The following KCNIP4 variants were observed in gnomAD, a reference collection of about 807,000 sequenced individuals.
KCNIP4 encodes potassium voltage-gated channel interacting protein 4.
A neutral mutation model predicts 34.0 loss-of-function variants in KCNIP4; 12 were observed. The observed-to-expected ratio is 0.35, with a 90% CI of 0.23 to 0.57. The LOEUF (loss-of-function observed/expected upper bound fraction) is 0.57, where lower values mean the gene tolerates loss of function less well. KCNIP4 is among the 20% of genes least tolerant of loss of function. KCNIP4 has a pLI of 0.83. For synonymous variants in KCNIP4, 124 were observed against 102.2 expected (o/e 1.21, Z -1.29); for missense variants, 238 against 311.7 (o/e 0.76, Z 1.78).
At chr4:21,948,464 G>C (rs1730625976) in intron 1 of KCNIP4, 107 bp downstream of exon 1, 1 of 1,242,964 alleles carries the variant, frequency 8.0e-7, no homozygotes, top group Non-Finnish European at 1.1e-6. Context: ...CTCATGCAGC[G>C]AAGGCAACAA....
chr4:20,755,923 G>C (rs1220804787), intron 4 of KCNIP4, among the ~76,000 whole-genome samples: 1 of 152,112 alleles, frequency 6.6e-6, no homozygotes, highest in East Asian at 1.9e-4. Context: ...GGATAAGGCA[G>C]AGAAGGGACA....
chr4:21,596,625 T>C (rs994288668), intron 1 of KCNIP4, among the ~76,000 whole-genome samples: 5 of 152,146 alleles, frequency 3.3e-5, no homozygotes, highest in Non-Finnish European at 7.4e-5. Flanking sequence ...TGCCTCCACC[T>C]GGCTTTGAGC....
At chr4:21,631,432 T>C (rs1577722118) in intron 1 of KCNIP4, among the ~76,000 whole-genome samples, 1 of 152,180 alleles carries the variant, frequency 6.6e-6, no homozygotes, top group Admixed American at 6.5e-5. Flanking sequence ...GCAAATAAAT[T>C]ATTTTCTTCT....
chr4:21,396,557 A>AAAAAAAATAAAAT lies in KCNIP4; in HGVS notation c.62-513849_62-513848insATTTTATTTTTTT, dbSNP rs1553875538. On this transcript the variant is annotated intron_variant, in intron 1 of 8. Transcript: ENST00000382152. ...GTGACAGAGCAAGACTCCAAAAAAAAAAAAAAAAAAAGAGGATTCTGATAT... is the reference window on the plus strand; with the variant it reads ...GTGACAGAGCAAGACTCCAAAAAAAAAAAAAAATAAAATAAAAAAAAAAAGAGGATTCTGATAT... Among the ~76,000 whole-genome samples the AAAAAAAATAAAAT allele has an allele frequency of 1.3e-3, 200 of 149,310 alleles. 5 individuals carry two copies. Among genetic ancestry groups the AAAAAAAATAAAAT allele is most frequent in the Middle Eastern group, 0.011 (3 of 278 alleles).
intron 1 of KCNIP4, among the ~76,000 whole-genome samples, chr4:21,332,886 T>A (rs1213190858): frequency 6.6e-6 from 1 of 152,082 alleles, no homozygotes; most frequent in African/African-American, 2.4e-5. Context: ...AAATTCTTTT[T>A]ATGGTTTATC....
intron 3 of KCNIP4, among the ~76,000 whole-genome samples, chr4:20,819,715 G>T (rs1716868529): frequency 6.6e-6 from 1 of 152,188 alleles, no homozygotes; most frequent in East Asian, 1.9e-4. Context: ...TCATTAATGG[G>T]ATTAGTGCTG....
intron 1 of KCNIP4, among the ~76,000 whole-genome samples, chr4:21,454,372 A>T: frequency 6.6e-6 from 1 of 152,070 alleles, no homozygotes; most frequent in East Asian, 1.9e-4. Context: ...TCACTCTCTA[A>T]GAGATTCTAA....
At position 20,867,983 on chromosome 4, in the gene KCNIP4, C is replaced by T. The variant is rs184032517; in HGVS notation, c.163+14625G>A. ...TGTATACATATGTAACAAACCTGCA[C>T]ATTGTGCACATGTACCCTAAAACTT... On this transcript the variant is annotated intron_variant, in intron 2 of 8. Coordinates refer to ENST00000382152, the MANE Select transcript of KCNIP4 (RefSeq NM_025221.6). Among the ~76,000 whole-genome samples, 332 of 151,200 alleles carry T rather than the reference C, an allele frequency of 2.2e-3. 9 individuals carry two copies. Among genetic ancestry groups the T allele is most frequent in the Middle Eastern group, 0.014 (4 of 294 alleles).
chr4:21,528,525 G>A lies in KCNIP4; in HGVS notation c.61+420046C>T, dbSNP rs546387759. Among the ~76,000 whole-genome samples the A allele has an allele frequency of 5.3e-5, 8 of 151,608 alleles. No homozygotes were observed. The South Asian group carries it at 1.7e-3, about 32-fold the overall frequency. ...CTACCAAAAATACAAAAATTAGCTG[G>A]GTGTGGTGGCGGGCGCCTATAGTCC... On this transcript the variant is annotated intron_variant, in intron 1 of 8. Transcript: ENST00000382152.
At chr4:21,767,237 A>G (rs148999087) in intron 1 of KCNIP4, among the ~76,000 whole-genome samples, 243 of 152,234 alleles carry the variant, frequency 1.6e-3, no homozygotes, top group African/African-American at 5.3e-3. Context: ...AGGAGGAGAC[A>G]GTCAGATCAC....
Position 20,784,223 on chromosome 4 carries a change from G to T in KCNIP4, c.289-25333C>A, listed in dbSNP as rs75298991. The stretch of plus-strand genomic sequence containing the variant: ...ATAATTAATCCCAGAACATTAGTTT[G>T]CTTGAATTGAAAAGGCACATCACGT... On this transcript the variant is annotated intron_variant, in intron 3 of 8. Transcript: ENST00000382152. Among the ~76,000 whole-genome samples, 1,462 of 152,184 alleles carry T rather than the reference G, an allele frequency of 9.6e-3. 27 individuals carry two copies. The highest frequency in any genetic ancestry group is 0.034 in the African/African-American group (1,394 of 41,520).
chr4:21,148,383 T>C (rs573629511), intron 1 of KCNIP4, among the ~76,000 whole-genome samples: 1 of 152,294 alleles, frequency 6.6e-6, no homozygotes, highest in South Asian at 2.1e-4. Context: ...GAATATGGAA[T>C]ACTGACACTA....
chr4:21,115,054 C>T (rs986445056), intron 1 of KCNIP4, among the ~76,000 whole-genome samples: 1 of 152,150 alleles, frequency 6.6e-6, no homozygotes, highest in Non-Finnish European at 1.5e-5. Context: ...ATGCTACCAC[C>T]CCATGTTCCT....
chr4:21,073,238 G>A (rs1235212027), intron 1 of KCNIP4, among the ~76,000 whole-genome samples: 1 of 152,152 alleles, frequency 6.6e-6, no homozygotes, highest in Non-Finnish European at 1.5e-5. Flanking sequence ...ACCTTGGGCA[G>A]TATGGCCATT....
At chr4:21,902,690 G>A (rs1727773947) in intron 1 of KCNIP4, among the ~76,000 whole-genome samples, 2 of 152,076 alleles carry the variant, frequency 1.3e-5, no homozygotes, top group South Asian at 4.1e-4. Context: ...CGGGAGAATG[G>A]TGTAAGAATG....
intron 1 of KCNIP4, among the ~76,000 whole-genome samples, chr4:21,058,423 T>C (rs1743614725): frequency 6.7e-6 from 1 of 148,198 alleles, no homozygotes; most frequent in Non-Finnish European, 1.5e-5. Flanking sequence ...TGAGAGCTCA[T>C]TGTCCAGACT....
chr4:21,501,736 TA>T (rs1679203514), intron 1 of KCNIP4, among the ~76,000 whole-genome samples: 1 of 82,716 alleles, frequency 1.2e-5, no homozygotes, highest in Non-Finnish European at 2.7e-5. Flanking sequence ...GGGCAGTTTA[TA>T]TGTAATACCA....
intron 1 of KCNIP4, among the ~76,000 whole-genome samples, chr4:21,117,218 G>T (rs1250284805): frequency 6.8e-6 from 1 of 146,170 alleles, no homozygotes; most frequent in Non-Finnish European, 1.5e-5. Flanking sequence ...GTGAACACTG[G>T]AATCACCTGA....
rs190371270 is a variant in KCNIP4 at position 21,101,713 on chromosome 4, T to A, written c.62-219004A>T. 3.9e-3 allele frequency among the ~76,000 whole-genome samples: 591 copies of A among 152,234 alleles called. 6 individuals carry two copies. Among genetic ancestry groups the A allele is most frequent in the Non-Finnish European group, 6.5e-3 (443 of 68,012 alleles). On this transcript the variant is annotated intron_variant, in intron 1 of 8. Transcript: ENST00000382152. ...ATTATACACTTAAAACACGTGAGCTTTATGGTATATAAATTTTATTGCAGT... is the reference window on the plus strand; with the variant it reads ...ATTATACACTTAAAACACGTGAGCTATATGGTATATAAATTTTATTGCAGT...
Sources: gnomAD v4.1 joint callset for allele counts (sites outside exome capture counted in the v4.1 genomes callset) on GRCh38, gnomAD v4.1.1 for gene constraint, MANE v1.5 for transcripts, NCBI Gene and HGNC (gene_info 2026-07-23, HGNC 2026-07-21) for gene names.